Variants in DIP2B observed in about 807,000 individuals in gnomAD.
DIP2B encodes disco-interacting protein 2 homolog B.
Under a neutral mutation model 198.0 loss-of-function variants are expected in DIP2B, and 76 were observed. The ratio of observed to expected loss-of-function variants is 0.38; its 90% confidence interval spans 0.32 to 0.46. The LOEUF (loss-of-function observed/expected upper bound fraction) is 0.46, where lower values mean the gene tolerates loss of function less well. Ranked by LOEUF, DIP2B falls within the 20% of genes least tolerant of loss-of-function variation. The probability of loss-of-function intolerance (pLI) is 0.99; values close to 1 mark genes in which losing one functional copy is unlikely to be tolerated. For synonymous variants in DIP2B, 701 were observed against 739.1 expected (o/e 0.95, Z 0.84); for missense variants, 1,559 against 1,978.4 (o/e 0.79, Z 4.02).
intron 18 of DIP2B, 108 bp downstream of exon 18, chr12:50,698,575 T>C: frequency 2.3e-6 from 3 of 1,328,172 alleles, no homozygotes; most frequent in Non-Finnish European, 3.0e-6. Context: ...ATTCAGTACT[T>C]AACGCATTTA....
intron 1 of DIP2B, among the ~76,000 whole-genome samples, chr12:50,560,407 A>AC (rs1238657929): frequency 6.6e-6 from 1 of 151,060 alleles, no homozygotes; most frequent in Non-Finnish European, 1.5e-5. Context: ...AAAAAAAAAA[A>AC]AAGCAAAAAA....
chr12:50,640,158 A>G (rs915462808), intron 2 of DIP2B, among the ~76,000 whole-genome samples: 5 of 152,188 alleles, frequency 3.3e-5, no homozygotes, highest in Non-Finnish European at 7.3e-5. Context: ...AGGCAGGAAA[A>G]CATCAGAACT....
intron 1 of DIP2B, among the ~76,000 whole-genome samples, chr12:50,525,602 TC>T (rs1958156977): frequency 6.8e-6 from 1 of 148,050 alleles, no homozygotes. Context: ...AGCCTTGACC[TC>T]CCAGGCTCAA....
At chr12:50,640,587 A>G (rs920332255) in intron 2 of DIP2B, 137 bp from the exon 3 acceptor site, 8 of 843,844 alleles carry the variant, frequency 9.5e-6, no homozygotes, top group Non-Finnish European at 1.4e-5. Context: ...TTATGTATTT[A>G]TATTGAAACT....
chr12:50,664,836 G>GTTTTT (rs1159665939), intron 4 of DIP2B, among the ~76,000 whole-genome samples: 2 of 15,924 alleles, frequency 1.3e-4, no homozygotes, highest in African/African-American at 2.9e-4. Context: ...TTTGGTTTTT[G>GTTTTT]TTTTTTTTTT....
At chr12:50,660,584 C>A (rs889817622) in intron 4 of DIP2B, among the ~76,000 whole-genome samples, 3 of 151,970 alleles carry the variant, frequency 2.0e-5, no homozygotes, top group African/African-American at 7.3e-5. Context: ...CTGTAATCCC[C>A]AGACTTATGT....
At chr12:50,506,047 T>A (rs1352247921) in intron 1 of DIP2B, among the ~76,000 whole-genome samples, 19 of 150,678 alleles carry the variant, frequency 1.3e-4, no homozygotes, top group Middle Eastern at 3.4e-3. Context: ...AAAAAAAAAA[T>A]GGGATAAATC....
At chr12:50,518,515 C>T (rs1409465257) in intron 1 of DIP2B, among the ~76,000 whole-genome samples, 2 of 152,106 alleles carry the variant, frequency 1.3e-5, no homozygotes, top group Non-Finnish European at 2.9e-5. Context: ...GGCCCTTGGG[C>T]AAGTCTTTGA....
At chr12:50,594,982 T>A (rs1278500769) in intron 1 of DIP2B, among the ~76,000 whole-genome samples, 1 of 152,262 alleles carries the variant, frequency 6.6e-6, no homozygotes, top group Non-Finnish European at 1.5e-5. Context: ...TGCATTTAAC[T>A]GTAATGTAGT....
chr12:50,584,416 G>A (rs1958752054), intron 1 of DIP2B, among the ~76,000 whole-genome samples: 1 of 152,126 alleles, frequency 6.6e-6, no homozygotes, highest in South Asian at 2.1e-4. Flanking sequence ...CTCTCCGTCT[G>A]CATTTCCACC....
chr12:50,593,744 T>C (rs1593637925), intron 1 of DIP2B, among the ~76,000 whole-genome samples: 1 of 618 alleles, frequency 1.6e-3, no homozygotes. Flanking sequence ...TCCTCTCCTC[T>C]CCCCTCCCCT....
At position 50,699,151 on chromosome 12, in the gene DIP2B, T is replaced by A. The variant is rs796763162; in HGVS notation, c.2274T>A (p.Thr758=). The A allele has an allele frequency of 6.2e-7, 1 of 1,614,216 alleles. No homozygotes were observed. Among genetic ancestry groups the A allele is most frequent in the African/African-American group, 1.3e-5 (1 of 75,058 alleles). Residue 758 remains threonine, a synonymous_variant, in exon 19 of 38, where the codon ACT becomes ACA. Coordinates refer to ENST00000301180, the MANE Select transcript of DIP2B (RefSeq NM_173602.3). ...GAGAAATCTGTGTTAGCTCCAGAAC[T>A]GGAGGCATGATGTACTTTGGGCTTG... The part of the protein sequence containing the change: ...EIGEICVSSR[T]GGMMYFGLAG...
intron 4 of DIP2B, among the ~76,000 whole-genome samples, chr12:50,665,714 TGCAGTGAACCATAATCACA>T (rs1440923302): frequency 6.6e-6 from 1 of 151,034 alleles, no homozygotes; most frequent in Non-Finnish European, 1.5e-5. Context: ...CAGTCAAGGC[TGCAGTGAACCATAATCACA>T]GCACTGTACT....
intron 3 of DIP2B, among the ~76,000 whole-genome samples, chr12:50,655,526 G>A (rs1044264352): frequency 6.6e-6 from 1 of 152,190 alleles, no homozygotes; most frequent in South Asian, 2.1e-4. Flanking sequence ...ACCTAACTAT[G>A]TGAACTATAT....
At chr12:50,511,291 A>ATTTTTTTTT (rs71083581) in intron 1 of DIP2B, among the ~76,000 whole-genome samples, 3,370 of 64,476 alleles carry the variant, frequency 0.052, 1,029 homozygotes, top group East Asian at 0.3. Context: ...TGTGATTTCT[A>ATTTTTTTTT]TTTTTTTTTT....
chr12:50,623,460 C>G (rs954330887), intron 1 of DIP2B, among the ~76,000 whole-genome samples: 2 of 146,660 alleles, frequency 1.4e-5, no homozygotes, highest in Non-Finnish European at 3.0e-5. Context: ...CTCTCTCTCT[C>G]TCTCTCTCTC....
intron 1 of DIP2B, among the ~76,000 whole-genome samples, chr12:50,534,954 C>T (rs1358237338): frequency 2.0e-5 from 3 of 152,178 alleles, no homozygotes; most frequent in African/African-American, 4.8e-5. Context: ...CAGGGCCTGG[C>T]GTGATAGCTC....
chr12:50,684,461 G>A (rs556781855), intron 10 of DIP2B, among the ~76,000 whole-genome samples: 21 of 152,314 alleles, frequency 1.4e-4, no homozygotes, highest in Non-Finnish European at 2.8e-4. Context: ...TCTGAGGGCT[G>A]ATGTCAAAGA....
chr12:50,609,729 T>C (rs1018896409), intron 1 of DIP2B, among the ~76,000 whole-genome samples: 6 of 152,230 alleles, frequency 3.9e-5, no homozygotes, highest in Admixed American at 1.3e-4. Flanking sequence ...ATTGCCCAGC[T>C]AACCATCCTA....
Sources: allele counts gnomAD v4.1 joint callset (sites outside exome capture counted in the v4.1 genomes callset), GRCh38; gene constraint gnomAD v4.1.1; transcripts MANE v1.5; gene names NCBI Gene and HGNC (gene_info 2026-07-23, HGNC 2026-07-21).